The following TLL2 variants were observed in gnomAD, a reference collection of about 807,000 sequenced individuals.
The protein encoded by TLL2 is tolloid-like protein 2.
A neutral mutation model predicts 123.0 loss-of-function variants in TLL2; 106 were observed. That is an observed-to-expected ratio of 0.86 (90% CI 0.74 to 1.01). The LOEUF (loss-of-function observed/expected upper bound fraction) is 1.01. Among genes scored for constraint, TLL2 ranks in the 50% least tolerant of loss-of-function variants. The pLI is 0.00. For synonymous variants in TLL2, 494 were observed against 516.8 expected (o/e 0.96, Z 0.60); for missense variants, 1,332 against 1,336.7 (o/e 1.00, Z 0.06).
chr10:96,384,571 C>A lies in TLL2; in HGVS notation c.2194+16G>T. ...CTCACTCGCGCTGCATCAGCCTCAC[C>A]TCTGAACCCGCATACCTGAGAAGAA... On this transcript the variant is annotated intron_variant, in intron 16 of 20. Transcript: ENST00000357947. The A allele has an allele frequency of 6.4e-7, 1 of 1,565,098 alleles. No homozygotes were observed. Among genetic ancestry groups the A allele is most frequent in the Non-Finnish European group, 8.7e-7 (1 of 1,149,034 alleles).
rs1210970430 is a variant in TLL2 at position 96,506,251 on chromosome 10, C to CAAAAAA, written c.175+7254_175+7259dup. ...TGGATGACAGAGCGAGACCCCATCT[C>CAAAAAA]AAAAAAAAAAAAAAGAAAAAAAAAA... On this transcript the variant is annotated intron_variant, in intron 1 of 20. Transcript: ENST00000357947. Among the ~76,000 whole-genome samples the CAAAAAA allele has an allele frequency of 5.4e-4, 20 of 36,724 alleles. 3 individuals carry two copies. The highest frequency in any genetic ancestry group is 0.02 in the Middle Eastern group (1 of 50). 24.1% of individuals were successfully genotyped at this position (36,724 alleles called of 152,430 possible).
At chr10:96,373,936 G>C in intron 18 of TLL2, 127 bp from the exon 19 acceptor site, 1 of 764,606 alleles carries the variant, frequency 1.3e-6, no homozygotes, top group Non-Finnish European at 2.1e-6. Context: ...CTGTGCAGGG[G>C]GTGTGTGGCC....
chr10:96,386,177 T>C lies in TLL2; in HGVS notation c.1891A>G (p.Ile631Val). The C allele has an allele frequency of 1.2e-6, 2 of 1,609,546 alleles. No homozygotes were observed. The highest frequency in any genetic ancestry group is 1.7e-5 in the Admixed American group (1 of 59,610). Reference sequence around the variant, plus strand: ...TCCTTCGGCCACCCAGGGCTGGTGATGGTTCCATTCAGCTTGGTAATGAAA... The same window carrying C: ...TCCTTCGGCCACCCAGGGCTGGTGACGGTTCCATTCAGCTTGGTAATGAAA... ...GGFITKLNGT[I>V]TSPGWPKEYP... Residue 631 changes from isoleucine (I) to valine (V), a missense_variant, in exon 15 of 21, where the codon ATC becomes GTC. Coordinates refer to ENST00000357947, the MANE Select transcript of TLL2 (RefSeq NM_012465.4).
intron 2 of TLL2, among the ~76,000 whole-genome samples, chr10:96,477,861 G>A (rs1847274859): frequency 6.6e-6 from 1 of 152,126 alleles, no homozygotes; most frequent in South Asian, 2.1e-4. Flanking sequence ...TCCAGGGTCT[G>A]CCATCTTCAT....
intron 1 of TLL2, among the ~76,000 whole-genome samples, chr10:96,485,871 C>T (rs11594029): frequency 0.089 from 13,600 of 152,182 alleles, 760 homozygotes; most frequent in Non-Finnish European, 0.12. Context: ...CACGGTGCAG[C>T]GCCATTTTTC....
intron 8 of TLL2, among the ~76,000 whole-genome samples, chr10:96,411,498 G>A (rs1425686765): frequency 1.3e-5 from 2 of 152,162 alleles, no homozygotes; most frequent in Non-Finnish European, 2.9e-5. Context: ...TTGGTTATGA[G>A]TCTAGAACCT....
chr10:96,401,569 A>AT (rs1846396078), intron 10 of TLL2, among the ~76,000 whole-genome samples: 1 of 151,988 alleles, frequency 6.6e-6, no homozygotes, highest in African/African-American at 2.4e-5. Flanking sequence ...CCAAAAAAAA[A>AT]AAACCTCAAA....
In TLL2 at chr10:96,420,975, C is replaced by A. The variant is rs1402810225; in HGVS notation, c.904G>T (p.Ala302Ser). ...TCCGACCTTGAGAAGGTGTTCCGGG[C>A]GTAGTGCATGATGCTGTCAAAGTCG... is the stretch of plus-strand genomic sequence containing the variant. The part of the protein sequence containing the change: ...TYDFDSIMHY[A>S]RNTFSRGVFL... The change falls in exon 7 of 21, where the codon GCC becomes TCC. Residue 302 changes from alanine to serine, a missense_variant. Ala to Ser is a moderately conservative substitution (Grantham distance 99). Coordinates refer to ENST00000357947, the MANE Select transcript of TLL2 (RefSeq NM_012465.4). 4 of 1,613,938 alleles carry A rather than the reference C, an allele frequency of 2.5e-6. No individual in the cohort carries two copies. The highest frequency in any genetic ancestry group is 4.5e-5 in the East Asian group (2 of 44,874).
intron 16 of TLL2, among the ~76,000 whole-genome samples, chr10:96,383,388 C>A (rs1405310867): frequency 6.6e-6 from 1 of 152,118 alleles, no homozygotes; most frequent in Admixed American, 6.5e-5. Context: ...GTGGGAGGAA[C>A]CCGGTGGGAG....
At chr10:96,401,297 C>G (rs1846391464) in intron 10 of TLL2, among the ~76,000 whole-genome samples, 1 of 152,210 alleles carries the variant, frequency 6.6e-6, no homozygotes, top group Non-Finnish European at 1.5e-5. Context: ...AATCCGCTCT[C>G]CCTCCTGCCA....
chr10:96,380,785 C>T (rs1366717410), intron 16 of TLL2, among the ~76,000 whole-genome samples: 1 of 148,346 alleles, frequency 6.7e-6, no homozygotes, highest in African/African-American at 2.5e-5. Flanking sequence ...TTTGGGAGGC[C>T]GAGGCGGGTG....
At chr10:96,408,440 T>C (rs1403619881) in intron 9 of TLL2, among the ~76,000 whole-genome samples, 1 of 152,230 alleles carries the variant, frequency 6.6e-6, no homozygotes, top group East Asian at 1.9e-4. Flanking sequence ...ATATTCTCTC[T>C]GTCCCCAGTT....
At chr10:96,376,908 C>G in intron 17 of TLL2, 89 bp from the exon 18 acceptor site, 1 of 1,359,382 alleles carries the variant, frequency 7.4e-7, no homozygotes, top group South Asian at 1.7e-5. Context: ...CCTCCCCTCT[C>G]TCCTAATTGT....
At chr10:96,427,494 C>T (rs1178692483) in intron 5 of TLL2, among the ~76,000 whole-genome samples, 4 of 152,174 alleles carry the variant, frequency 2.6e-5, no homozygotes, top group Admixed American at 6.5e-5. Context: ...TTTTATGACT[C>T]TTGATGCTAT....
At chr10:96,405,191 T>TC in intron 10 of TLL2, 41 bp downstream of exon 10, 1 of 1,575,242 alleles carries the variant, frequency 6.3e-7, no homozygotes, top group South Asian at 1.1e-5. Context: ...CCGGGGAACA[T>TC]CCCATCACTC....
intron 2 of TLL2, among the ~76,000 whole-genome samples, chr10:96,447,434 T>A (rs569304261): frequency 6.6e-6 from 1 of 152,294 alleles, no homozygotes; most frequent in South Asian, 2.1e-4. Flanking sequence ...CTTGCAAGTG[T>A]CCGAGTGAGA....
chr10:96,420,446 T>G (rs1460586966), intron 7 of TLL2, among the ~76,000 whole-genome samples: 1 of 152,246 alleles, frequency 6.6e-6, no homozygotes, highest in South Asian at 2.1e-4. Context: ...GGTGGGAACC[T>G]GGATCCTTGC....
Position 96,370,115 on chromosome 10 carries a change from C to T in TLL2, c.2863G>A (p.Asp955Asn). The T allele has an allele frequency of 1.2e-6, 2 of 1,613,294 alleles. No individual in the cohort carries two copies. Among genetic ancestry groups the T allele is most frequent in the Non-Finnish European group, 1.7e-6 (2 of 1,179,648 alleles). The change falls in exon 20 of 21, where the codon GAC becomes AAC. Residue 955 changes from aspartate (D) to asparagine (N), a missense_variant. Coordinates refer to ENST00000357947, the MANE Select transcript of TLL2 (RefSeq NM_012465.4). ...CTGGGCGCTGAGCTGTCGTAGCCGT[C>T]GTAGGCTTCCATGTAGTCGTAGCCG... ...DCGYDYMEAY[D>N]GYDSSAPRLG...
intron 2 of TLL2, among the ~76,000 whole-genome samples, chr10:96,451,898 T>C (rs1299869167): frequency 2.0e-5 from 3 of 152,240 alleles, no homozygotes; most frequent in Admixed American, 2.0e-4. Context: ...CTCTCATGTT[T>C]ACTCATTTTT....
Sources: gnomAD v4.1 joint callset for allele counts (sites outside exome capture counted in the v4.1 genomes callset) on GRCh38, gnomAD v4.1.1 for gene constraint, MANE v1.5 for transcripts, NCBI Gene and HGNC (gene_info 2026-07-23, HGNC 2026-07-21) for gene names.